IL17RD: variants seen among roughly 807,000 people sequenced by gnomAD.
IL17RD encodes the protein interleukin 17 receptor D, also known as interleukin-17 receptor D.
Under a neutral mutation model 80.5 loss-of-function variants are expected in IL17RD, and 52 were observed. The observed-to-expected ratio is 0.65, with a 90% CI of 0.52 to 0.81. The LOEUF (loss-of-function observed/expected upper bound fraction) is 0.81, where lower values mean the gene tolerates loss of function less well. Ranked by LOEUF, IL17RD falls within the 40% of genes least tolerant of loss-of-function variation. IL17RD has a pLI of 0.00. For missense variants in IL17RD, 1,024 were observed against 955.1 expected (o/e 1.07, Z -0.95); for synonymous variants, 416 against 391.8 (o/e 1.06, Z -0.73).
chr3:57,135,564 G>A (rs1464438111), intron 1 of IL17RD, among the ~76,000 whole-genome samples: 1 of 152,102 alleles, frequency 6.6e-6, no homozygotes, highest in Non-Finnish European at 1.5e-5. Flanking sequence ...TCTTCCAGAC[G>A]GTCTTTACTG....
intron 3 of IL17RD, among the ~76,000 whole-genome samples, chr3:57,113,053 C>G (rs182109998): frequency 6.6e-6 from 1 of 152,280 alleles, no homozygotes; most frequent in East Asian, 1.9e-4. Context: ...AAGATCAATT[C>G]TGGGGGTTCA....
intron 7 of IL17RD, 106 bp downstream of exon 7, chr3:57,105,749 ACT>A: frequency 1.2e-6 from 1 of 850,478 alleles, no homozygotes; most frequent in South Asian, 1.8e-5. Flanking sequence ...TCTACCAACC[ACT>A]GAGAGCCAAC....
chr3:57,096,870 G>A (rs998636610), intron 12 of IL17RD, among the ~76,000 whole-genome samples: 39 of 152,104 alleles, frequency 2.6e-4, no homozygotes, highest in African/African-American at 9.2e-4. Flanking sequence ...ATTTAGCTGG[G>A]CATGGTGGCG....
chr3:57,147,911 T>C (rs1259945054), intron 1 of IL17RD, among the ~76,000 whole-genome samples: 1 of 152,166 alleles, frequency 6.6e-6, no homozygotes, highest in Non-Finnish European at 1.5e-5. Context: ...ATTTTTCTTA[T>C]AAGGTTGAAG....
chr3:57,132,948 G>A (rs1343046600), intron 1 of IL17RD, among the ~76,000 whole-genome samples: 1 of 152,138 alleles, frequency 6.6e-6, no homozygotes, highest in Non-Finnish European at 1.5e-5. Flanking sequence ...ACAAAACTGA[G>A]TTGGGTTTGG....
At chr3:57,154,830 G>GT (rs1442289666) in intron 1 of IL17RD, among the ~76,000 whole-genome samples, 1 of 151,308 alleles carries the variant, frequency 6.6e-6, no homozygotes, top group Non-Finnish European at 1.5e-5. Flanking sequence ...ATTTTTTTTT[G>GT]TAAGCCACAG....
chr3:57,159,403 T>C (rs988126460), intron 1 of IL17RD, among the ~76,000 whole-genome samples: 1 of 152,112 alleles, frequency 6.6e-6, no homozygotes, highest in Non-Finnish European at 1.5e-5. Context: ...ACAGAGGAAA[T>C]ACCAAGGCAT....
intron 11 of IL17RD, among the ~76,000 whole-genome samples, chr3:57,098,976 G>C (rs560392496): frequency 4.6e-5 from 7 of 152,340 alleles, no homozygotes; most frequent in Non-Finnish European, 8.8e-5. Flanking sequence ...GAGAAGGCTG[G>C]CAGGCTCTGA....
intron 1 of IL17RD, among the ~76,000 whole-genome samples, chr3:57,154,279 T>TACACACACACACACACAC (rs779041353): frequency 2.8e-4 from 36 of 126,324 alleles, no homozygotes; most frequent in African/African-American, 1.0e-3. Context: ...TATATATATA[T>TACACACACACACACACAC]ATATACACAC....
chr3:57,100,087 A>G (rs6445853), intron 11 of IL17RD, among the ~76,000 whole-genome samples: 120,149 of 152,214 alleles, frequency 0.79, 48,372 homozygotes, highest in South Asian at 0.91. Context: ...ATTTTCTACA[A>G]TAACTATTAC....
intron 2 of IL17RD, among the ~76,000 whole-genome samples, chr3:57,118,078 G>A (rs912954402): frequency 2.6e-5 from 4 of 152,082 alleles, no homozygotes; most frequent in African/African-American, 9.7e-5. Context: ...TGCAGCTGAC[G>A]GGAAAATTCT....
intron 1 of IL17RD, among the ~76,000 whole-genome samples, chr3:57,137,252 G>C (rs541927020): frequency 6.6e-6 from 1 of 152,206 alleles, no homozygotes; most frequent in Admixed American, 6.5e-5. Flanking sequence ...TTCTGTGTTA[G>C]ACACCCCCAA....
chr3:57,144,326 C>G (rs556959308), intron 1 of IL17RD, among the ~76,000 whole-genome samples: 1 of 152,178 alleles, frequency 6.6e-6, no homozygotes. Flanking sequence ...CTCACCATCT[C>G]TTCCTTTCCC....
At chr3:57,140,401 G>C (rs1707807105) in intron 1 of IL17RD, among the ~76,000 whole-genome samples, 1 of 152,086 alleles carries the variant, frequency 6.6e-6, no homozygotes, top group Non-Finnish European at 1.5e-5. Context: ...AGAACTCAAA[G>C]AGAAATAAAA....
intron 1 of IL17RD, among the ~76,000 whole-genome samples, chr3:57,163,201 G>A (rs183316305): frequency 6.6e-6 from 1 of 152,314 alleles, no homozygotes; most frequent in Non-Finnish European, 1.5e-5. Context: ...TGGCCCAGAG[G>A]CCTCTACGAT....
rs1395267882 is a variant in IL17RD at position 57,095,154 on chromosome 3, T to C, written c.*1239A>G. On this transcript the variant is annotated 3_prime_UTR_variant, in exon 13 of 13. Coordinates refer to ENST00000296318, the MANE Select transcript of IL17RD (RefSeq NM_017563.5). ...AATGCTGAGAAAACGGGTGCCAAAA[T>C]CTAACAGCACCCATGAGAAAGGTAG... 2 of 152,100 alleles carry C rather than the reference T, an allele frequency of 1.3e-5. No homozygotes were observed. The highest frequency in any genetic ancestry group is 2.4e-5 in the African/African-American group (1 of 41,406). 9.4% of individuals were successfully genotyped at this position (152,100 alleles called of 1,614,324 possible).
At chr3:57,127,284 AAATATATAT>A (rs1707493507) in intron 1 of IL17RD, among the ~76,000 whole-genome samples, 1 of 81,722 alleles carries the variant, frequency 1.2e-5, no homozygotes, top group Non-Finnish European at 2.2e-5. Context: ...AAATATATAT[AAATATATAT>A]AAATATATAT....
At chr3:57,146,810 G>C (rs1707940870) in intron 1 of IL17RD, among the ~76,000 whole-genome samples, 1 of 145,514 alleles carries the variant, frequency 6.9e-6, no homozygotes, top group Admixed American at 7.0e-5. Context: ...GTGTGTGTGT[G>C]AGAGGTATTC....
intron 1 of IL17RD, among the ~76,000 whole-genome samples, chr3:57,131,548 G>C (rs1425812585): frequency 6.6e-6 from 1 of 152,192 alleles, no homozygotes; most frequent in Non-Finnish European, 1.5e-5. Flanking sequence ...GATATCCTGA[G>C]GCCTTCAGAA....
Sources: allele counts gnomAD v4.1 joint callset (sites outside exome capture counted in the v4.1 genomes callset), GRCh38; gene constraint gnomAD v4.1.1; transcripts MANE v1.5; gene names NCBI Gene and HGNC (gene_info 2026-07-23, HGNC 2026-07-21).